The following FRMD1 variants were observed in gnomAD, a reference collection of about 807,000 sequenced individuals.
The protein encoded by FRMD1 is FERM domain containing 1.
FRMD1 carries 51 observed loss-of-function variants against 54.9 expected under a neutral mutation model. The observed-to-expected ratio is 0.93, with a 90% CI of 0.74 to 1.17. The LOEUF is 1.17. Ranked by LOEUF, FRMD1 falls within the 50% of genes most tolerant of loss-of-function variation. The pLI, the probability that FRMD1 is intolerant of heterozygous loss-of-function variation, is 0.00. For synonymous variants in FRMD1, 324 were observed against 306.4 expected (o/e 1.06, Z -0.60); for missense variants, 729 against 743.0 (o/e 0.98, Z 0.22).
chr6:168,081,574 C>T (rs1432591769), upstream of FRMD1: 3 of 1,414,964 alleles, frequency 2.1e-6, no homozygotes, highest in Non-Finnish European at 2.8e-6. Flanking sequence ...CTGCTGAGAA[C>T]ATTCTAGAAC....
In FRMD1 at chr6:168,055,881, C is replaced by A. The variant is rs769216437; in HGVS notation, c.*1216G>T. 6.6e-6 allele frequency: 1 copy of A among 152,266 alleles called. No individual in the cohort carries two copies. The highest frequency in any genetic ancestry group is 1.5e-5 in the Non-Finnish European group (1 of 68,070). The allele number at this position is 152,266 out of a possible 1,614,324, so 9.4% of individuals were successfully genotyped here. A position where few individuals can be genotyped will look rare whatever the true frequency, so the allele number is the denominator to read the frequency against. Reference sequence around the variant, plus strand: ...CTTTCACAGAAAGGAGAGGGTCCCCCTGGATGGACCCGTCAAAGAGGCGGC... The same window carrying A: ...CTTTCACAGAAAGGAGAGGGTCCCCATGGATGGACCCGTCAAAGAGGCGGC... On this transcript the variant is annotated 3_prime_UTR_variant, in exon 11 of 11. Transcript: ENST00000283309.
intron 1 of FRMD1, chr6:168,075,640 A>C: frequency 1.1e-6 from 1 of 920,078 alleles, no homozygotes; most frequent in South Asian, 1.4e-5. Flanking sequence ...TCAGGGACAC[A>C]CGATGCAGCG....
chr6:168,061,855 G>C lies in FRMD1; in HGVS notation c.997C>G (p.Arg333Gly). The change falls in exon 8 of 11, where the codon CGC becomes GGC. Residue 333 changes from arginine (R) to glycine (G), a missense_variant. Physicochemically the swap from Arg to Gly is moderately radical, Grantham distance 125 (BLOSUM62 -2). Coordinates refer to ENST00000283309, the MANE Select transcript of FRMD1 (RefSeq NM_024919.6). ...AGCTGTTGCAGAGTGGGCCGCACGC[G>C]GAGGTGGAGCTGGTGGCTGGCGCGC... is the stretch of plus-strand genomic sequence containing the variant. ...LLRASHQLHL[R>G]VRPTLQQLRQ... The C allele has an allele frequency of 1.3e-6, 2 of 1,578,934 alleles. 1 individual carries two copies. The highest frequency in any genetic ancestry group is 1.7e-6 in the Non-Finnish European group (2 of 1,163,686).
intron 1 of FRMD1, among the ~76,000 whole-genome samples, chr6:168,076,981 G>A (rs1273864717): frequency 2.6e-5 from 4 of 151,464 alleles, no homozygotes; most frequent in South Asian, 2.1e-4. Flanking sequence ...CTGTAGATAC[G>A]GATGCGTGCA....
In FRMD1 at chr6:168,066,778, G is replaced by A. The variant is rs572609253; in HGVS notation, c.438C>T (p.Tyr146=). The A allele has an allele frequency of 1.1e-5, 18 of 1,613,950 alleles. No homozygotes were observed. The highest frequency in any genetic ancestry group is 3.3e-4 in the Middle Eastern group (2 of 6,046). Residue 146 remains tyrosine (Y), a synonymous_variant, in exon 4 of 11, where the codon TAC becomes TAT. Coordinates refer to ENST00000283309, the MANE Select transcript of FRMD1 (RefSeq NM_024919.6). ...PFVAFLRVQH[Y]VENGRVISDH... ...ACCTTATGACCCTTCCGTTTTCCAC[G>A]TAGTGCTGCACTCGGAGGAAGGCCA...
chr6:168,086,298 G>A (rs555517119), upstream of FRMD1, among the ~76,000 whole-genome samples: 621 of 148,598 alleles, frequency 4.2e-3, 7 homozygotes, highest in Non-Finnish European at 3.9e-3. Context: ...CACTGCCCAC[G>A]TTCCAGCATG....
chr6:168,082,133 C>T (rs1168706169), upstream of FRMD1, among the ~76,000 whole-genome samples: 2 of 152,114 alleles, frequency 1.3e-5, no homozygotes, highest in Admixed American at 6.5e-5. Flanking sequence ...CCTTCATGTC[C>T]GGGAATGCTA....
chr6:168,075,219 G>T, intron 2 of FRMD1, 26 bp downstream of exon 2: 1 of 1,602,384 alleles, frequency 6.2e-7, no homozygotes, highest in Non-Finnish European at 8.5e-7. Context: ...GGGCATTCCT[G>T]CAGGTGGGGA....
At chr6:168,086,968 G>A (rs547760797) in intron 1 of FRMD1, among the ~76,000 whole-genome samples, 15 of 152,176 alleles carry the variant, frequency 9.9e-5, no homozygotes, top group Admixed American at 8.5e-4. Flanking sequence ...AGCAGTCCCC[G>A]ATTCTGTGGT....
intron 2 of FRMD1, among the ~76,000 whole-genome samples, chr6:168,072,343 G>T (rs867590234): frequency 6.6e-5 from 10 of 152,240 alleles, no homozygotes; most frequent in Admixed American, 6.5e-5. Flanking sequence ...ATCAGGGGCT[G>T]TGCCTGAACT....
rs1583207012 is a variant in FRMD1, at chr6:168,078,693, CAGCCCTGCTCACCCCTAT to C, written c.213+171_213+188del. ...ACCCCCATGGCTCTGCTCACCCCCA[CAGCCCTGCTCACCCCTAT>C]GGCCACCCAGGGCCCTCCTCACCCC... is the stretch of plus-strand genomic sequence containing the variant. On this transcript the variant is annotated intron_variant, in intron 1 of 10. Transcript: ENST00000283309. 6.9e-5 allele frequency among the ~76,000 whole-genome samples: 10 copies of C among 145,670 alleles called. No homozygotes were observed. The East Asian group carries it at 1.3e-3, about 18-fold the overall frequency.
chr6:168,070,420 G>A (rs1464930982), intron 2 of FRMD1, among the ~76,000 whole-genome samples: 6 of 149,742 alleles, frequency 4.0e-5, no homozygotes, highest in Non-Finnish European at 7.4e-5. Context: ...ATTTACATCA[G>A]TAGACTTTGA....
intron 2 of FRMD1, among the ~76,000 whole-genome samples, chr6:168,074,167 G>A (rs1238172642): frequency 6.6e-6 from 1 of 152,080 alleles, no homozygotes; most frequent in South Asian, 2.1e-4. Context: ...GGGTTCTCAC[G>A]GCTCTTCCAT....
In FRMD1 at chr6:168,066,671, T is replaced by C. The variant is rs181256479; in HGVS notation, c.461+84A>G. On this transcript the variant is annotated intron_variant, in intron 4 of 10. Coordinates refer to ENST00000283309, the MANE Select transcript of FRMD1 (RefSeq NM_024919.6). ...TGTTTTTGGATAAACTCAAATGTAA[T>C]GTGTGGCCTTCAGGGGACTTCCACG... The C allele has an allele frequency of 1.7e-5, 26 of 1,490,708 alleles. No individual in the cohort carries two copies. The East Asian group carries it at 3.7e-4, about 21-fold the overall frequency. The allele number at this position is 1,490,708 out of a possible 1,614,324, so 92.3% of individuals were successfully genotyped here. A position where few individuals can be genotyped will look rare whatever the true frequency, so the allele number is the denominator to read the frequency against.
chr6:168,089,513 C>G (rs1326972081), intron 1 of FRMD1, among the ~76,000 whole-genome samples: 1 of 152,190 alleles, frequency 6.6e-6, no homozygotes, highest in African/African-American at 2.4e-5. Context: ...GGAGGAGGAC[C>G]GAGGCAGGAA....
Position 168,057,120 on chromosome 6 carries a change from G to T in FRMD1, c.1627C>A (p.Pro543Thr). The change falls in exon 11 of 11, where the codon CCA becomes ACA. Residue 543 changes from proline (P) to threonine (T), a missense_variant. Transcript: ENST00000283309. ...CLALDLFGEAPPQEFVV is the reference protein window; with the variant it reads ...CLALDLFGEATPQEFVV The stretch of plus-strand genomic sequence containing the variant: ...GCCTACACCACAAACTCCTGTGGTG[G>T]AGCCTCTCCGAACAGGTCCAGGGCG... 1 of 1,496,758 alleles carries T rather than the reference G, an allele frequency of 6.7e-7. No homozygotes were observed. The highest frequency in any genetic ancestry group is 8.9e-7 in the Non-Finnish European group (1 of 1,119,468). The allele number at this position is 1,496,758 out of a possible 1,614,324, so 92.7% of individuals were successfully genotyped here. A position where few individuals can be genotyped will look rare whatever the true frequency, so the allele number is the denominator to read the frequency against.
In FRMD1 at chr6:168,063,609, G is replaced by C. The variant is rs1277875058; in HGVS notation, c.796C>G (p.Leu266Val). 2 of 1,611,438 alleles carry C rather than the reference G, an allele frequency of 1.2e-6. No homozygotes were observed. Among genetic ancestry groups the C allele is most frequent in the Admixed American group, 1.7e-5 (1 of 59,850 alleles). ...GCCGCCCTGGGCTCGACCTTGTGCAGCCTGAAGAAGTGCACGGGCACGTCC... is the reference window on the plus strand; with the variant it reads ...GCCGCCCTGGGCTCGACCTTGTGCACCCTGAAGAAGTGCACGGGCACGTCC... ...LEDVPVHFFR[L>V]HKDKKEGRPT... Residue 266 changes from leucine to valine, a missense_variant, in exon 6 of 11, where the codon CTG becomes GTG. Physicochemically the swap from Leu to Val is conservative, Grantham distance 32 (BLOSUM62 1). Coordinates refer to ENST00000283309, the MANE Select transcript of FRMD1 (RefSeq NM_024919.6).
Position 168,059,117 on chromosome 6 carries a change from ACT to A in FRMD1, c.1407+5_1407+6del. The A allele has an allele frequency of 6.4e-7, 1 of 1,564,482 alleles. No homozygotes were observed. The highest frequency in any genetic ancestry group is 1.2e-5 in the South Asian group (1 of 85,578). ...CCAGGGCTTCTGGCCCGTGGGGGGG[ACT>A]CTACCTGGTGCACGGCCTCGGCGCT... On this transcript the variant is annotated splice_donor_5th_base_variant and intron_variant, in intron 10 of 10. Coordinates refer to ENST00000283309, the MANE Select transcript of FRMD1 (RefSeq NM_024919.6). This position sits in a 1 kb window ranked among gnomAD's most constrained non-coding sequence, Gnocchi z 4.4.
intron 1 of FRMD1, among the ~76,000 whole-genome samples, chr6:168,086,677 C>T (rs553301842): frequency 6.6e-6 from 1 of 152,402 alleles, no homozygotes; most frequent in East Asian, 1.9e-4. Flanking sequence ...ACATGGGCCA[C>T]TGGCTGTGCC....
Sources: allele counts gnomAD v4.1 joint callset (sites outside exome capture counted in the v4.1 genomes callset), GRCh38; gene constraint gnomAD v4.1.1; non-coding constraint Gnocchi (gnomAD v3.1); transcripts MANE v1.5; gene names NCBI Gene and HGNC (gene_info 2026-07-23, HGNC 2026-07-21).